Variants in CCSER1 observed in about 807,000 individuals in gnomAD.
CCSER1 encodes coiled-coil serine rich protein 1, also known as serine-rich coiled-coil domain-containing protein 1.
In CCSER1, 41 loss-of-function variants were observed where a neutral mutation model predicts 82.0. That is an observed-to-expected ratio of 0.50 (90% CI 0.39 to 0.65). The LOEUF (loss-of-function observed/expected upper bound fraction) is 0.65. Among genes scored for constraint, CCSER1 ranks in the 30% least tolerant of loss-of-function variants. CCSER1 has a pLI of 0.00. For synonymous variants in CCSER1, 414 were observed against 383.9 expected (o/e 1.08, Z -0.92); for missense variants, 1,119 against 1,064.2 (o/e 1.05, Z -0.72).
intron 10 of CCSER1, among the ~76,000 whole-genome samples, chr4:91,322,791 C>T (rs543975882): frequency 6.3e-4 from 95 of 151,998 alleles, no homozygotes; most frequent in Admixed American, 4.1e-3. Context: ...AGCAAACATG[C>T]CAGATGAATA....
intron 10 of CCSER1, among the ~76,000 whole-genome samples, chr4:91,179,043 T>A (rs1733718029): frequency 6.6e-6 from 1 of 152,200 alleles, no homozygotes; most frequent in Non-Finnish European, 1.5e-5. Context: ...AGAATTTTAT[T>A]TCTCCTTCTT....
chr4:90,186,507 T>C (rs932720195), intron 1 of CCSER1, among the ~76,000 whole-genome samples: 2 of 151,960 alleles, frequency 1.3e-5, no homozygotes, highest in African/African-American at 4.8e-5. Flanking sequence ...ACATATGAAT[T>C]AGAAACCATA....
chr4:91,332,915 C>T (rs531464210), intron 10 of CCSER1, among the ~76,000 whole-genome samples: 4 of 152,050 alleles, frequency 2.6e-5, no homozygotes, highest in African/African-American at 9.6e-5. Flanking sequence ...ACATAAGTAA[C>T]ATTATTTCTA....
At chr4:90,330,597 A>C (rs2153495342) in intron 3 of CCSER1, among the ~76,000 whole-genome samples, 1 of 152,260 alleles carries the variant, frequency 6.6e-6, no homozygotes, top group African/African-American at 2.4e-5. Context: ...GCTGAGAAAA[A>C]AAGAAGTGAG....
chr4:90,269,821 C>T (rs1163815652), intron 1 of CCSER1, among the ~76,000 whole-genome samples: 5 of 151,376 alleles, frequency 3.3e-5, no homozygotes, highest in Admixed American at 2.0e-4. Flanking sequence ...CCAAATAAAA[C>T]CAGAGATGAA....
chr4:90,571,755 A>T (rs1398555497), intron 5 of CCSER1, among the ~76,000 whole-genome samples: 1 of 152,148 alleles, frequency 6.6e-6, no homozygotes, highest in Non-Finnish European at 1.5e-5. Context: ...AATTAAAATA[A>T]ATAACACAAA....
rs1578337314 is a variant in CCSER1 at position 91,388,361 on chromosome 4, G to A, written c.2218-210211G>A. 3.3e-5 allele frequency among the ~76,000 whole-genome samples: 5 copies of A among 152,176 alleles called. No homozygotes were observed. In the South Asian group the frequency reaches 1.0e-3, roughly 32 times the overall value. On this transcript the variant is annotated intron_variant, in intron 10 of 10. Coordinates refer to ENST00000509176, the MANE Select transcript of CCSER1 (RefSeq NM_001145065.2). ...ATCAAATTATGGATATATAATAGATGTTTTAATAATTGTACCATTATCTGA... is the reference window on the plus strand; with the variant it reads ...ATCAAATTATGGATATATAATAGATATTTTAATAATTGTACCATTATCTGA...
At chr4:90,217,961 A>C (rs1378216057) in intron 1 of CCSER1, among the ~76,000 whole-genome samples, 7 of 151,652 alleles carry the variant, frequency 4.6e-5, no homozygotes, top group African/African-American at 4.8e-5. Flanking sequence ...ACATCTGGCA[A>C]ATTTTAAAAT....
At chr4:90,833,700 C>A (rs1377503985) in intron 8 of CCSER1, among the ~76,000 whole-genome samples, 2 of 152,160 alleles carry the variant, frequency 1.3e-5, no homozygotes, top group East Asian at 3.9e-4. Context: ...CATTTGTAAT[C>A]TCTCAATTAA....
chr4:90,993,885 G>A (rs1186146345), intron 9 of CCSER1, among the ~76,000 whole-genome samples: 1 of 152,014 alleles, frequency 6.6e-6, no homozygotes, highest in Non-Finnish European at 1.5e-5. Flanking sequence ...TTGGCATATA[G>A]TAGGTATTTA....
At chr4:91,491,938 A>G (rs566076049) in intron 10 of CCSER1, among the ~76,000 whole-genome samples, 2 of 142,608 alleles carry the variant, frequency 1.4e-5, no homozygotes, top group African/African-American at 2.5e-5. Flanking sequence ...AGAATAAGTC[A>G]TTGCTAATAG....
intron 8 of CCSER1, among the ~76,000 whole-genome samples, chr4:90,850,404 G>A (rs1264008090): frequency 6.6e-6 from 1 of 152,208 alleles, no homozygotes; most frequent in East Asian, 1.9e-4. Context: ...ACCTGGAAAA[G>A]CTGCAAACAC....
intron 7 of CCSER1, among the ~76,000 whole-genome samples, chr4:90,787,737 A>G (rs895529769): frequency 4.6e-5 from 7 of 152,196 alleles, no homozygotes; most frequent in Non-Finnish European, 7.3e-5. Context: ...TTCATCATGT[A>G]CTGATTAGAG....
intron 3 of CCSER1, among the ~76,000 whole-genome samples, chr4:90,343,267 C>A (rs1405213983): frequency 2.0e-5 from 3 of 152,188 alleles, no homozygotes; most frequent in African/African-American, 7.2e-5. Context: ...ATTAAAACTT[C>A]AGTCTGCCTT....
At chr4:91,416,473 A>G (rs1306429163) in intron 10 of CCSER1, among the ~76,000 whole-genome samples, 2 of 152,186 alleles carry the variant, frequency 1.3e-5, no homozygotes, top group East Asian at 1.9e-4. Flanking sequence ...AGGCTATAGT[A>G]GCCAAAACAG....
chr4:90,420,146 T>G (rs1381647704), intron 4 of CCSER1, among the ~76,000 whole-genome samples: 1 of 151,920 alleles, frequency 6.6e-6, no homozygotes, highest in African/African-American at 2.4e-5. Context: ...TTTCAAAATT[T>G]AATATTTTTT....
At chr4:90,401,903 C>T (rs892445755) in intron 4 of CCSER1, among the ~76,000 whole-genome samples, 2 of 152,196 alleles carry the variant, frequency 1.3e-5, no homozygotes, top group African/African-American at 2.4e-5. Flanking sequence ...CAAAACCAAA[C>T]CCACTGATCA....
chr4:90,926,194 T>C (rs2150262590), intron 9 of CCSER1, among the ~76,000 whole-genome samples: 1 of 152,156 alleles, frequency 6.6e-6, no homozygotes, highest in South Asian at 2.1e-4. Flanking sequence ...AGTTTCACCT[T>C]ATTTTAACTT....
In CCSER1 at chr4:90,900,094, G is replaced by GTTTTTTTTTTTTTT. The variant is rs70963096; in HGVS notation, c.2095-23272_2095-23259dup. 4.3e-4 allele frequency among the ~76,000 whole-genome samples: 44 copies of GTTTTTTTTTTTTTT among 102,134 alleles called. 1 individual carries two copies. The highest frequency in any genetic ancestry group is 6.4e-4 in the South Asian group (2 of 3,114). The allele number at this position is 102,134 out of a possible 152,430, so 67.0% of individuals were successfully genotyped here. ...TGCTGTGAAACCCTCTGGTCCCAGA[G>GTTTTTTTTTTTTTT]TTTTTTTTTTTTTTTTTGTAGATAT... On this transcript the variant is annotated intron_variant, in intron 8 of 10. Transcript: ENST00000509176.
Sources: allele counts gnomAD v4.1 joint callset (sites outside exome capture counted in the v4.1 genomes callset), GRCh38; gene constraint gnomAD v4.1.1; transcripts MANE v1.5; gene names NCBI Gene and HGNC (gene_info 2026-07-23, HGNC 2026-07-21).